The following FANCA variants were observed in gnomAD, a reference collection of about 807,000 sequenced individuals.
FANCA encodes the protein FA complementation group A, also known as Fanconi anemia group A protein.
In FANCA, 236 loss-of-function variants were observed where a neutral mutation model predicts 194.3. That is an observed-to-expected ratio of 1.21 (90% confidence interval 1.09 to 1.35). The LOEUF (loss-of-function observed/expected upper bound fraction) is 1.35, where lower values mean the gene tolerates loss of function less well. Ranked by LOEUF, FANCA falls within the 40% of genes most tolerant of loss-of-function variation. The pLI, the probability that FANCA is intolerant of heterozygous loss-of-function variation, is 0.00. For synonymous variants in FANCA, 1,014 were observed against 715.8 expected (o/e 1.42, Z -6.65); for missense variants, 2,628 against 1,813.9 (o/e 1.45, Z -8.15).
rs781718994 is a variant in FANCA at position 89,808,304 on chromosome 16, G to A, written c.586C>T (p.Leu196=). The A allele has an allele frequency of 3.1e-6, 5 of 1,614,034 alleles. No individual in the cohort carries two copies. The highest frequency in any genetic ancestry group is 4.2e-6 in the Non-Finnish European group (5 of 1,179,922). The part of the protein sequence containing the change: ...HVQGIVSLQE[L]LESHPDMHAV... ...TCATTAGCACGCTACCTTTCCAGCAGCTCTTGCAGGCTCACAATGCCTTGT... is the reference window on the plus strand; with the variant it reads ...TCATTAGCACGCTACCTTTCCAGCAACTCTTGCAGGCTCACAATGCCTTGT... The change falls in exon 6 of 43, where the codon CTG becomes TTG. Residue 196 remains leucine, a synonymous_variant. Coordinates refer to ENST00000389301, the MANE Select transcript of FANCA (RefSeq NM_000135.4).
chr16:89,814,736 T>A, intron 2 of FANCA, 123 bp from the exon 3 acceptor site: 1 of 709,546 alleles, frequency 1.4e-6, no homozygotes. Flanking sequence ...AGGTCAAGAG[T>A]TCGAGACCAG....
Position 89,813,488 on chromosome 16 carries a change from A to C in FANCA, c.283+1032T>G, listed in dbSNP as rs544914364. 2.0e-4 allele frequency among the ~76,000 whole-genome samples: 31 copies of C among 151,670 alleles called. No homozygotes were observed. In the South Asian group the frequency reaches 6.5e-3, roughly 32 times the overall value. ...GCTCTTATTGCCCAGGCTGGAGTGCAATGGAGGGGTCTCGGCTCAATGCAA... is the reference window on the plus strand; with the variant it reads ...GCTCTTATTGCCCAGGCTGGAGTGCCATGGAGGGGTCTCGGCTCAATGCAA... On this transcript the variant is annotated intron_variant, in intron 3 of 42. Transcript: ENST00000389301.
chr16:89,789,274 C>T (rs991981395), intron 14 of FANCA, among the ~76,000 whole-genome samples: 3 of 143,558 alleles, frequency 2.1e-5, no homozygotes, highest in African/African-American at 8.1e-5. Context: ...TGCGGCTCAG[C>T]CTCCTGTGCA....
intron 27 of FANCA, 148 bp downstream of exon 27, chr16:89,766,993 C>G (rs2039150949): frequency 1.4e-6 from 1 of 722,482 alleles, no homozygotes; most frequent in African/African-American, 1.8e-5. Context: ...CAGCCTGACT[C>G]AGGAGCTGCC....
chr16:89,744,726 G>A (rs1260226906), intron 36 of FANCA: 5 of 570,700 alleles, frequency 8.8e-6, no homozygotes, highest in East Asian at 3.1e-5. Flanking sequence ...GAGTGATCTC[G>A]GCTCACTGGA....
intron 15 of FANCA, among the ~76,000 whole-genome samples, chr16:89,784,136 CGGAA>C (rs2039815486): frequency 6.6e-6 from 1 of 151,922 alleles, no homozygotes; most frequent in Non-Finnish European, 1.5e-5. Flanking sequence ...GAGGCCAAGG[CGGAA>C]GGATCACTTG....
rs546700269 is a variant in FANCA, at chr16:89,772,462, C to T, written c.2015-648G>A. Reference sequence around the variant, plus strand: ...CGGAGCTTGCAGTGAGCTGAGATCACGCCACTGCACTCCAGCCTGGGTGAC... The same window carrying T: ...CGGAGCTTGCAGTGAGCTGAGATCATGCCACTGCACTCCAGCCTGGGTGAC... On this transcript the variant is annotated intron_variant, in intron 22 of 42. Transcript: ENST00000389301. Among the ~76,000 whole-genome samples the T allele has an allele frequency of 2.0e-5, 3 of 152,306 alleles. No individual in the cohort carries two copies. In the South Asian group the frequency reaches 6.2e-4, roughly 32 times the overall value.
At chr16:89,805,482 G>T in intron 6 of FANCA, 90 bp from the exon 7 acceptor site, 5 of 976,542 alleles carry the variant, frequency 5.1e-6, no homozygotes, top group Non-Finnish European at 8.0e-6. Flanking sequence ...TTTTTTTTTT[G>T]AGACAGTTTT....
Position 89,796,132 on chromosome 16 carries a change from C to T in FANCA, c.894-114G>A, listed in dbSNP as rs2040238274. Reference sequence around the variant, plus strand: ...ATCCCTTCTTTAAGCAAGGAAGGGGCTTTCTTGGCCAGGCCACTATAACCA... The same window carrying T: ...ATCCCTTCTTTAAGCAAGGAAGGGGTTTTCTTGGCCAGGCCACTATAACCA... On this transcript the variant is annotated intron_variant, in intron 10 of 42. Transcript: ENST00000389301. 5.0e-6 allele frequency: 4 copies of T among 795,076 alleles called. No homozygotes were observed. In the African/African-American group the frequency reaches 6.8e-5, roughly 13 times the overall value. The allele number at this position is 795,076 out of a possible 1,614,324, so 49.3% of individuals were successfully genotyped here.
At chr16:89,802,323 G>T (rs1189679630) in intron 8 of FANCA, among the ~76,000 whole-genome samples, 1 of 150,264 alleles carries the variant, frequency 6.7e-6, no homozygotes, top group Non-Finnish European at 1.5e-5. Context: ...GGCTGGTCTT[G>T]AACTCCTGAC....
chr16:89,769,908 G>A lies in FANCA; in HGVS notation c.2433C>T (p.Gly811=). The A allele has an allele frequency of 1.2e-6, 2 of 1,614,108 alleles. No homozygotes were observed. Among genetic ancestry groups the A allele is most frequent in the Admixed American group, 1.7e-5 (1 of 60,016 alleles). ...TGTCAAAGAGCGCAGGGACAGGAAG[G>A]CCAGCACCAGGTGCAGGAGGACCCA... is the stretch of plus-strand genomic sequence containing the variant. The part of the protein sequence containing the change: ...VDVGPPAPGA[G]LPVPALFDSL... Residue 811 remains glycine (G), a synonymous_variant, in exon 26 of 43, where the codon GGC becomes GGT. Coordinates refer to ENST00000389301, the MANE Select transcript of FANCA (RefSeq NM_000135.4).
At chr16:89,792,611 A>G (rs966106867) in intron 11 of FANCA, 64 bp from the exon 12 acceptor site, 177 of 1,455,656 alleles carry the variant, frequency 1.2e-4, no homozygotes, top group Non-Finnish European at 1.6e-4. Flanking sequence ...GTTTTTGTTA[A>G]GGACCAGCCC....
intron 3 of FANCA, 100 bp downstream of exon 3, chr16:89,814,420 G>A (rs1478891855): frequency 5.5e-6 from 5 of 902,824 alleles, no homozygotes; most frequent in East Asian, 2.6e-5. Flanking sequence ...GAAACCCATC[G>A]CCTGAGAAAA....
intron 29 of FANCA, among the ~76,000 whole-genome samples, chr16:89,761,090 A>C (rs1260608184): frequency 3.9e-5 from 6 of 152,208 alleles, no homozygotes; most frequent in Non-Finnish European, 8.8e-5. Flanking sequence ...GTAGGAGCTC[A>C]GTAAATGTTT....
intron 29 of FANCA, 46 bp downstream of exon 29, chr16:89,761,903 G>A: frequency 6.8e-7 from 1 of 1,466,140 alleles, no homozygotes; most frequent in Non-Finnish European, 9.6e-7. Flanking sequence ...GGGATTATAG[G>A]TGTGAGCCAT....
chr16:89,805,699 G>C (rs986482996), intron 6 of FANCA, among the ~76,000 whole-genome samples: 6 of 150,858 alleles, frequency 4.0e-5, no homozygotes, highest in Non-Finnish European at 5.9e-5. Flanking sequence ...CCCTCCCAAA[G>C]TGCTGGGATG....
intron 23 of FANCA, among the ~76,000 whole-genome samples, chr16:89,771,155 C>CAAAAAAAAAAAAAA (rs34471552): frequency 3.5e-5 from 2 of 56,644 alleles, no homozygotes; most frequent in African/African-American, 1.5e-4. Context: ...AAGACTCAGT[C>CAAAAAAAAAAAAAA]AAAAAAAAAA....
chr16:89,769,285 CCT>C (rs1439453314), intron 26 of FANCA, among the ~76,000 whole-genome samples: 2 of 152,232 alleles, frequency 1.3e-5, no homozygotes, highest in Admixed American at 6.5e-5. Context: ...CTGGCTTCCG[CCT>C]CTGAGTGGCA....
intron 36 of FANCA, 99 bp from the exon 37 acceptor site, chr16:89,743,037 C>T: frequency 7.1e-7 from 1 of 1,404,752 alleles, no homozygotes; most frequent in South Asian, 1.3e-5. Context: ...TTGGGGCCTG[C>T]CTTTCCATCA....
Sources: gnomAD v4.1 joint callset for allele counts (sites outside exome capture counted in the v4.1 genomes callset) on GRCh38, gnomAD v4.1.1 for gene constraint, MANE v1.5 for transcripts, NCBI Gene and HGNC (gene_info 2026-07-23, HGNC 2026-07-21) for gene names.